MYO7A: variants seen among roughly 807,000 people sequenced by gnomAD.
The protein encoded by MYO7A is myosin VIIA, also known as unconventional myosin-VIIa.
Under a neutral mutation model 263.8 loss-of-function variants are expected in MYO7A, and 210 were observed. That is an observed-to-expected ratio of 0.80 (90% CI 0.71 to 0.89). The LOEUF (loss-of-function observed/expected upper bound fraction) is 0.89, where lower values mean the gene tolerates loss of function less well. Ranked by LOEUF, MYO7A falls within the 40% of genes least tolerant of loss-of-function variation. MYO7A has a pLI of 0.00. For missense variants in MYO7A, 2,820 were observed against 2,968.3 expected (o/e 0.95, Z 1.16); for synonymous variants, 1,239 against 1,197.3 (o/e 1.03, Z -0.72).
rs750555107 is a variant in MYO7A, at chr11:77,212,223, A to C, written c.6354+286A>C. The C allele has an allele frequency of 6.9e-4, 381 of 554,912 alleles. 2 individuals carry two copies. Among genetic ancestry groups the C allele is most frequent in the Non-Finnish European group, 1.2e-3 (350 of 290,674 alleles). The allele number at this position is 554,912 out of a possible 1,614,324, so 34.4% of individuals were successfully genotyped here. ...TTCTGACACTGGGGAGCCCTCGCCC[A>C]GGTGGCAGAGCTCGGGAGGCTCTGC... On this transcript the variant is annotated intron_variant, in intron 46 of 48. Coordinates refer to ENST00000409709, the MANE Select transcript of MYO7A (RefSeq NM_000260.4).
At chr11:77,205,759 G>A in intron 40 of MYO7A, 142 bp downstream of exon 40, 14 of 1,173,958 alleles carry the variant, frequency 1.2e-5, no homozygotes, top group Non-Finnish European at 1.7e-5. Flanking sequence ...GCTAGACGGA[G>A]GTGCGGATCC....
intron 33 of MYO7A, 145 bp from the exon 34 acceptor site, chr11:77,198,350 A>G (rs1956821567): frequency 2.7e-6 from 3 of 1,123,774 alleles, no homozygotes; most frequent in Admixed American, 2.7e-5. Context: ...TTTGGCACGT[A>G]GCGAGTTTGT....
intron 21 of MYO7A, 83 bp downstream of exon 21, chr11:77,180,036 A>G: frequency 7.2e-7 from 1 of 1,381,930 alleles, no homozygotes; most frequent in Non-Finnish European, 9.7e-7. Context: ...GTTGGCCAGG[A>G]AGTGGGACCT....
Position 77,192,291 on chromosome 11 carries a change from G to T in MYO7A, c.4152+13G>T, listed in dbSNP as rs1001506298. The T allele has an allele frequency of 1.2e-6, 2 of 1,611,020 alleles. No individual in the cohort carries two copies. The highest frequency in any genetic ancestry group is 2.7e-5 in the African/African-American group (2 of 74,870). On this transcript the variant is annotated intron_variant, in intron 31 of 48. Transcript: ENST00000409709. ...CAGGTGTGAGAAGGTGAGTGGGAGG[G>T]AATCTTCCGCCAGGCTGGCTTGGCT... is the stretch of plus-strand genomic sequence containing the variant.
At chr11:77,150,317 G>A (rs941796042) in intron 4 of MYO7A, among the ~76,000 whole-genome samples, 13 of 152,316 alleles carry the variant, frequency 8.5e-5, no homozygotes, top group South Asian at 4.1e-4. Flanking sequence ...GGAGTCGGTA[G>A]GTCAGCTGCA....
intron 35 of MYO7A, 72 bp downstream of exon 35, chr11:77,199,890 G>A (rs1051029824): frequency 7.3e-7 from 1 of 1,378,346 alleles, no homozygotes; most frequent in Non-Finnish European, 9.7e-7. Flanking sequence ...TAGTCCATTT[G>A]TGTTGCTATA....
intron 15 of MYO7A, among the ~76,000 whole-genome samples, chr11:77,168,654 A>T (rs1953792525): frequency 6.6e-6 from 1 of 152,180 alleles, no homozygotes; most frequent in South Asian, 2.1e-4. Context: ...AATTAGCTGA[A>T]CATGGGGGTG....
intron 1 of MYO7A, among the ~76,000 whole-genome samples, chr11:77,128,852 C>T (rs1038845739): frequency 6.6e-6 from 1 of 152,144 alleles, no homozygotes; most frequent in Non-Finnish European, 1.5e-5. Flanking sequence ...TCTTTATCTC[C>T]GTTTTTGGAT....
chr11:77,134,650 TTATC>T (rs1565294949), intron 2 of MYO7A, among the ~76,000 whole-genome samples: 1 of 152,130 alleles, frequency 6.6e-6, no homozygotes, highest in Non-Finnish European at 1.5e-5. Flanking sequence ...ACTTTTCTAT[TTATC>T]TATGTAAGTG....
At chr11:77,157,135 T>C (rs1797433220) in intron 7 of MYO7A, 131 bp downstream of exon 7, 3 of 1,440,168 alleles carry the variant, frequency 2.1e-6, no homozygotes, top group African/African-American at 2.8e-5. Context: ...CTTCCCTCTG[T>C]GCTGGAAATC....
At chr11:77,211,048 G>A (rs754953650) in intron 44 of MYO7A, 104 bp from the exon 45 acceptor site, 218 of 1,084,570 alleles carry the variant, frequency 2.0e-4, no homozygotes, top group Non-Finnish European at 2.6e-4. Flanking sequence ...GCCCATGTGC[G>A]GGGTAAGGTG....
intron 4 of MYO7A, among the ~76,000 whole-genome samples, chr11:77,151,340 G>T (rs1293665770): frequency 6.6e-6 from 1 of 152,214 alleles, no homozygotes; most frequent in East Asian, 1.9e-4. Context: ...ATCCCTGTCT[G>T]GTCTCAGCCT....
intron 44 of MYO7A, 174 bp from the exon 45 acceptor site, chr11:77,210,978 C>A (rs1957821932): frequency 1.6e-6 from 1 of 627,008 alleles, no homozygotes; most frequent in African/African-American, 1.8e-5. Context: ...TTGCTCTGTC[C>A]CTGTCCTGTG....
At chr11:77,141,329 T>C (rs2135601980) in intron 2 of MYO7A, among the ~76,000 whole-genome samples, 1 of 152,248 alleles carries the variant, frequency 6.6e-6, no homozygotes, top group African/African-American at 2.4e-5. Context: ...CTCAGAGAGG[T>C]CAGCGACTCA....
Position 77,162,947 on chromosome 11 carries a change from G to A in MYO7A, c.1649G>A (p.Gly550Asp), listed in dbSNP as rs1555070219. ...PPKNNHETQF[G>D]INHFAGIVYY... ...AAGAACAACCATGAGACCCAGTTTG[G>A]CATCAACCATTTTGCAGGCATCGTC... is the stretch of plus-strand genomic sequence containing the variant. The change falls in exon 14 of 49, where the codon GGC becomes GAC. Residue 550 changes from glycine (G) to aspartate (D), a missense_variant. By Grantham distance (94) the Gly-to-Asp change is moderately conservative. Transcript: ENST00000409709. 6.2e-7 allele frequency: 1 copy of A among 1,613,630 alleles called. No homozygotes were observed. Among genetic ancestry groups the A allele is most frequent in the Non-Finnish European group, 8.5e-7 (1 of 1,179,842 alleles).
At chr11:77,173,006 G>A (rs1555077477) in intron 16 of MYO7A, 121 bp downstream of exon 16, 5 of 1,368,746 alleles carry the variant, frequency 3.7e-6, no homozygotes, top group East Asian at 2.5e-5. Context: ...GGAATGGGGG[G>A]CACCCCGGGA....
rs576982361 is a variant in MYO7A, at chr11:77,184,810, C to G, written c.3503+95C>G. The G allele has an allele frequency of 2.6e-3, 4,012 of 1,551,830 alleles. 13 individuals are homozygous for G. The highest frequency in any genetic ancestry group is 3.0e-3 in the Non-Finnish European group (3,471 of 1,145,418). On this transcript the variant is annotated intron_variant, in intron 27 of 48. Coordinates refer to ENST00000409709, the MANE Select transcript of MYO7A (RefSeq NM_000260.4). ...CTAGCAAGAGATTAAGCCAAGCAGGCCTGGGTTTGGCTTCGCTGCTAGCTA... is the reference window on the plus strand; with the variant it reads ...CTAGCAAGAGATTAAGCCAAGCAGGGCTGGGTTTGGCTTCGCTGCTAGCTA...
In MYO7A at chr11:77,203,342, C is replaced by A. The variant is rs1247653780; in HGVS notation, c.5326+125C>A. ...CACATGGGGAGGGTTGATGGAGTAC[C>A]CCCTCCCTTGCACCTTTTGATATGC... On this transcript the variant is annotated intron_variant, in intron 38 of 48. Coordinates refer to ENST00000409709, the MANE Select transcript of MYO7A (RefSeq NM_000260.4). 9 of 1,101,386 alleles carry A rather than the reference C, an allele frequency of 8.2e-6. No homozygotes were observed. The African/African-American group carries it at 1.3e-4, about 15-fold the overall frequency. 68.2% of individuals were successfully genotyped at this position (1,101,386 alleles called of 1,614,324 possible).
rs990161520 is a variant in MYO7A at position 77,198,732 on chromosome 11, C to A, written c.4568+111C>A. On this transcript the variant is annotated intron_variant, in intron 34 of 48. Coordinates refer to ENST00000409709, the MANE Select transcript of MYO7A (RefSeq NM_000260.4). ...GCATGAAGTGGCCTGCCTGGTTGCA[C>A]GTGATTGGGCAGTTTGTGCCGCACT... is the stretch of plus-strand genomic sequence containing the variant. 10 of 1,494,152 alleles carry A rather than the reference C, an allele frequency of 6.7e-6. No individual in the cohort carries two copies. The East Asian group carries it at 2.4e-4, about 36-fold the overall frequency. The allele number at this position is 1,494,152 out of a possible 1,614,324, so 92.6% of individuals were successfully genotyped here.
Sources: allele counts gnomAD v4.1 joint callset (sites outside exome capture counted in the v4.1 genomes callset), GRCh38; gene constraint gnomAD v4.1.1; transcripts MANE v1.5; gene names NCBI Gene and HGNC (gene_info 2026-07-23, HGNC 2026-07-21).